STRN4: variants seen among roughly 807,000 people sequenced by gnomAD.
STRN4 encodes the protein striatin 4.
In STRN4, 27 loss-of-function variants were observed where a neutral mutation model predicts 77.9. The observed-to-expected ratio is 0.35, with a 90% CI of 0.26 to 0.48. The LOEUF is 0.48. Ranked by LOEUF, STRN4 falls within the 20% of genes least tolerant of loss-of-function variation. The pLI is 0.99. For missense variants in STRN4, 798 were observed against 1,049.7 expected (o/e 0.76, Z 3.31); for synonymous variants, 466 against 443.1 (o/e 1.05, Z -0.65).
chr19:46,742,777 G>T (rs551879776), intron 1 of STRN4, among the ~76,000 whole-genome samples: 1 of 152,276 alleles, frequency 6.6e-6, no homozygotes, highest in East Asian at 1.9e-4. Context: ...CGGCCACGCT[G>T]GTCTTGAACT....
Position 46,741,214 on chromosome 19 carries a change from A to C in STRN4, c.283-2326T>G, listed in dbSNP as rs369682247. On this transcript the variant is annotated intron_variant, in intron 1 of 17. Transcript: ENST00000263280. The surrounding 1 kb of genome is among the most constrained non-coding windows in gnomAD (Gnocchi z 4.9). ...GCAGTCCCAGAAATCCCAGGACAGA[A>C]CGGTAGTGGCTTGGACTAGGCCGGG... Among the ~76,000 whole-genome samples, 145 of 152,258 alleles carry C rather than the reference A, an allele frequency of 9.5e-4. 1 individual carries two copies. The highest frequency in any genetic ancestry group is 3.2e-3 in the African/African-American group (134 of 41,536).
At position 46,727,990 on chromosome 19, in the gene STRN4, G is replaced by A. The variant is rs2054160275; in HGVS notation, c.1057C>T (p.Leu353Phe). The A allele has an allele frequency of 6.2e-7, 1 of 1,614,054 alleles. No individual in the cohort carries two copies. Residue 353 changes from leucine (L) to phenylalanine (F), a missense_variant, in exon 8 of 18, where the codon CTC becomes TTC. Physicochemically the swap from Leu to Phe is conservative, Grantham distance 22. Coordinates refer to ENST00000263280, the MANE Select transcript of STRN4 (RefSeq NM_013403.3). ...CGCAGGTCAGCCAGAATGCCTTGGA[G>A]TTTGACCCGACGGCTTTCTGCAGGG... ...PHELESRRVK[L>F]QGILADLRDV...
intron 4 of STRN4, among the ~76,000 whole-genome samples, chr19:46,734,980 T>C (rs2054329967): frequency 6.6e-6 from 1 of 152,044 alleles, no homozygotes; most frequent in South Asian, 2.1e-4. Flanking sequence ...TGCAACTCTT[T>C]AACAGTGAAA....
intron 13 of STRN4, 35 bp from the exon 14 acceptor site, chr19:46,722,985 A>AC: frequency 6.2e-7 from 1 of 1,610,196 alleles, no homozygotes; most frequent in African/African-American, 1.3e-5. Context: ...TGCTGAATGG[A>AC]CCCTCAGACC....
chr19:46,745,233 C>G (rs78560128), intron 1 of STRN4, among the ~76,000 whole-genome samples: 293 of 152,220 alleles, frequency 1.9e-3, no homozygotes, highest in African/African-American at 6.6e-3. Flanking sequence ...CTACAACACA[C>G]GTGCCATCTC....
At position 46,722,234 on chromosome 19, in the gene STRN4, G is replaced by A. The variant is rs374945227; in HGVS notation, c.2005+8C>T. The stretch of plus-strand genomic sequence containing the variant: ...CACCCACTACGAGCACAAGGGGCTA[G>A]GCCTCACCTGTCCGATTGTCCAGGA... On this transcript the variant is annotated splice_region_variant and intron_variant, in intron 15 of 17. Coordinates refer to ENST00000263280, the MANE Select transcript of STRN4 (RefSeq NM_013403.3). 5.6e-6 allele frequency: 9 copies of A among 1,613,946 alleles called. No individual in the cohort carries two copies. The African/African-American group carries it at 9.3e-5, about 17-fold the overall frequency.
intron 16 of STRN4, 87 bp downstream of exon 16, chr19:46,721,899 G>A (rs182514598): frequency 1.3e-6 from 2 of 1,502,080 alleles, no homozygotes; most frequent in Non-Finnish European, 1.8e-6. Flanking sequence ...GGCCCCCGGG[G>A]CCCCCTGAGC....
rs557763148 is a variant in STRN4 at position 46,723,744 on chromosome 19, C to T, written c.1595-460G>A. 1.3e-5 allele frequency among the ~76,000 whole-genome samples: 2 copies of T among 152,290 alleles called. No homozygotes were observed. The highest frequency in any genetic ancestry group is 2.9e-5 in the Non-Finnish European group (2 of 68,008). The stretch of plus-strand genomic sequence containing the variant: ...GTCTCTCCAAAGCCCCCTGGTCATT[C>T]AGAGGTCCAATCACTGCTTCCCTGG... On this transcript the variant is annotated intron_variant, in intron 12 of 17. Coordinates refer to ENST00000263280, the MANE Select transcript of STRN4 (RefSeq NM_013403.3). This position sits in a 1 kb window ranked among gnomAD's most constrained non-coding sequence, Gnocchi z 5.5.
In STRN4 at chr19:46,724,660, T is replaced by C. The variant is rs903680191; in HGVS notation, c.1594+147A>G. Reference sequence around the variant, plus strand: ...CCCTTGGCCACGCGCTGCATCGCGCTGCTCACAACAGAGCAGACAGGGGAG... The same window carrying C: ...CCCTTGGCCACGCGCTGCATCGCGCCGCTCACAACAGAGCAGACAGGGGAG... On this transcript the variant is annotated intron_variant, in intron 12 of 17. Transcript: ENST00000263280. The C allele has an allele frequency of 8.7e-6, 11 of 1,261,040 alleles. No homozygotes were observed. In the Admixed American group the frequency reaches 2.2e-4, roughly 25 times the overall value. 78.1% of individuals were successfully genotyped at this position (1,261,040 alleles called of 1,614,324 possible).
At chr19:46,745,611 C>G (rs2054571219) in intron 1 of STRN4, 1 of 152,466 alleles carries the variant, frequency 6.6e-6, no homozygotes, top group Admixed American at 6.5e-5. Flanking sequence ...CAAGTTCCCC[C>G]CTTGGACGCT....
Position 46,738,151 on chromosome 19 carries a change from A to T in STRN4, c.460+13T>A. On this transcript the variant is annotated intron_variant, in intron 3 of 17. Coordinates refer to ENST00000263280, the MANE Select transcript of STRN4 (RefSeq NM_013403.3). This position sits in a 1 kb window ranked among gnomAD's most constrained non-coding sequence, Gnocchi z 4.5. Reference sequence around the variant, plus strand: ...GGAGGGTGCCGACAGTGCGAGCATCAGAGGGTGGGTACCTTGTTCTGACAC... The same window carrying T: ...GGAGGGTGCCGACAGTGCGAGCATCTGAGGGTGGGTACCTTGTTCTGACAC... The T allele has an allele frequency of 6.2e-7, 1 of 1,613,940 alleles. No homozygotes were observed. The highest frequency in any genetic ancestry group is 8.5e-7 in the Non-Finnish European group (1 of 1,179,766).
chr19:46,740,362 A>C (rs1209936220), intron 1 of STRN4: 3 of 151,990 alleles, frequency 2.0e-5, no homozygotes, highest in Non-Finnish European at 4.4e-5. Context: ...CAAGAATGGG[A>C]AATTTTTTTC....
rs77292648 is a variant in STRN4, at chr19:46,724,563, C to T, written c.1594+244G>A. ...TGCCTCAGCACTGCCTTCTGGACGCCGGCTCACAGAGATTCTCAGGCAGCT... is the reference window on the plus strand; with the variant it reads ...TGCCTCAGCACTGCCTTCTGGACGCTGGCTCACAGAGATTCTCAGGCAGCT... On this transcript the variant is annotated intron_variant, in intron 12 of 17. Coordinates refer to ENST00000263280, the MANE Select transcript of STRN4 (RefSeq NM_013403.3). 7.5e-3 allele frequency among the ~76,000 whole-genome samples: 1,139 copies of T among 152,364 alleles called. 11 individuals are homozygous for T. The highest frequency in any genetic ancestry group is 0.025 in the African/African-American group (1,059 of 41,580).
Position 46,730,815 on chromosome 19 carries a change from G to C in STRN4, c.796C>G (p.Pro266Ala), listed in dbSNP as rs760487840. 11 of 1,612,800 alleles carry C rather than the reference G, an allele frequency of 6.8e-6. No individual in the cohort carries two copies. Among genetic ancestry groups the C allele is most frequent in the Middle Eastern group, 1.7e-4 (1 of 6,016 alleles). ...RLGGSVLGQI[P>A]FLQNCEDEDS... is the part of the protein sequence containing the mutation. ...TCGTCCTCGCAGTTCTGCAGGAAGG[G>C]GATCTGCCCCAGCACTGAGCCGCCC... The change falls in exon 6 of 18, where the codon CCC (proline) becomes GCC (alanine). Residue 266 changes from proline to alanine, a missense_variant. Around this residue, in one of 2 missense-constraint regions of STRN4, gnomAD observed 511 missense variants for 575.9 expected, o/e 0.89. Coordinates refer to ENST00000263280, the MANE Select transcript of STRN4 (RefSeq NM_013403.3).
At chr19:46,726,669 C>A (rs1258268261) in intron 9 of STRN4, among the ~76,000 whole-genome samples, 1 of 152,066 alleles carries the variant, frequency 6.6e-6, no homozygotes, top group Non-Finnish European at 1.5e-5. Context: ...GCAGGGGACC[C>A]GGAGAGGGCC....
rs1467271008 is a variant in STRN4, at chr19:46,730,726, G to A, written c.879+6C>T. ...AGGCTGTGCAGGGCATGGAGGAAGG[G>A]CTCACCTTCACACGCTGCTTCTTGT... On this transcript the variant is annotated splice_donor_region_variant and intron_variant, in intron 6 of 17. Coordinates refer to ENST00000263280, the MANE Select transcript of STRN4 (RefSeq NM_013403.3). 2 of 1,611,252 alleles carry A rather than the reference G, an allele frequency of 1.2e-6. No homozygotes were observed. The highest frequency in any genetic ancestry group is 8.5e-7 in the Non-Finnish European group (1 of 1,179,954).
At position 46,738,073 on chromosome 19, in the gene STRN4, G is replaced by C; in HGVS notation, c.460+91C>G. ...CCGATTCTGCCTTCTAAGGAGCAAA[G>C]TGAGAAAGAGGCACCCCATCTTCCT... is the stretch of plus-strand genomic sequence containing the variant. On this transcript the variant is annotated intron_variant, in intron 3 of 17. Coordinates refer to ENST00000263280, the MANE Select transcript of STRN4 (RefSeq NM_013403.3). The surrounding 1 kb of genome is among the most constrained non-coding windows in gnomAD (Gnocchi z 4.5). 7.5e-7 allele frequency: 1 copy of C among 1,335,828 alleles called. No individual in the cohort carries two copies. Among genetic ancestry groups the C allele is most frequent in the Non-Finnish European group, 1.1e-6 (1 of 926,844 alleles). 82.7% of individuals were successfully genotyped at this position (1,335,828 alleles called of 1,614,324 possible).
chr19:46,725,430 C>A (rs779852426), intron 10 of STRN4, 43 bp downstream of exon 10: 2 of 1,613,786 alleles, frequency 1.2e-6, no homozygotes, highest in South Asian at 2.2e-5. Flanking sequence ...TCACCCCCGT[C>A]CCCAGATGCC....
intron 1 of STRN4, among the ~76,000 whole-genome samples, chr19:46,744,756 G>A (rs1021832279): frequency 6.6e-6 from 1 of 151,790 alleles, no homozygotes; most frequent in Non-Finnish European, 1.5e-5. Context: ...CGGCAAATCG[G>A]AAGGGGAAAG....
Sources: gnomAD v4.1 joint callset for allele counts (sites outside exome capture counted in the v4.1 genomes callset) on GRCh38, gnomAD v4.1.1 for gene constraint, gnomAD v4.1.1 regional missense constraint, Gnocchi (gnomAD v3.1) non-coding constraint, MANE v1.5 for transcripts, NCBI Gene and HGNC (gene_info 2026-07-23, HGNC 2026-07-21) for gene names.